SRP9: variants seen among roughly 807,000 people sequenced by gnomAD.
The protein encoded by SRP9 is signal recognition particle 9 kDa protein.
SRP9 carries 2 observed loss-of-function variants against 11.7 expected under a neutral mutation model. The ratio of observed to expected loss-of-function variants is 0.17; its 90% CI spans 0.07 to 0.54. The LOEUF is 0.54. SRP9 is among the 20% of genes least tolerant of loss of function. SRP9 has a pLI of 0.94. For synonymous variants in SRP9, 27 were observed against 35.6 expected (o/e 0.76, Z 0.86); for missense variants, 54 against 108.1 (o/e 0.50, Z 2.22).
chr1:225,788,140 G>T (rs1330708787), intron 2 of SRP9, among the ~76,000 whole-genome samples: 1 of 152,162 alleles, frequency 6.6e-6, no homozygotes, highest in East Asian at 1.9e-4. Context: ...TAAGTATCTA[G>T]TGAAGAATTT....
At chr1:225,785,887 C>CCA (rs912872381) in intron 2 of SRP9, among the ~76,000 whole-genome samples, 3 of 152,064 alleles carry the variant, frequency 2.0e-5, no homozygotes, top group Non-Finnish European at 4.4e-5. Context: ...TTCACCATGT[C>CCA]GCCCAGGCGG....
chr1:225,781,647 T>A (rs1446739424), intron 1 of SRP9, among the ~76,000 whole-genome samples: 1 of 152,074 alleles, frequency 6.6e-6, no homozygotes, highest in Non-Finnish European at 1.5e-5. Flanking sequence ...AGTGAACTCC[T>A]GCCCTCCCAA....
chr1:225,790,217 G>A lies in SRP9; in HGVS notation c.*858G>A, dbSNP rs1666000776. On this transcript the variant is annotated 3_prime_UTR_variant, in exon 3 of 3. Transcript: ENST00000304786. ...TTTTCTGTCTTTAATTAACCAAGGT[G>A]TTAGGTGTGACTGTCACAACTGTTA... is the stretch of plus-strand genomic sequence containing the variant. 1 of 152,312 alleles carries A rather than the reference G, an allele frequency of 6.6e-6. No individual in the cohort carries two copies. The highest frequency in any genetic ancestry group is 6.5e-5 in the Admixed American group (1 of 15,306). The allele number at this position is 152,312 out of a possible 1,614,324, so 9.4% of individuals were successfully genotyped here.
At chr1:225,786,415 ATAGT>A (rs937267721) in intron 2 of SRP9, among the ~76,000 whole-genome samples, 15 of 152,154 alleles carry the variant, frequency 9.9e-5, no homozygotes, top group East Asian at 1.9e-4. Flanking sequence ...CATTTTTTAA[ATAGT>A]TAGTTCTTTT....
At chr1:225,780,945 TGCTTAAAAACTG>T (rs1003568892) in intron 1 of SRP9, among the ~76,000 whole-genome samples, 1 of 152,242 alleles carries the variant, frequency 6.6e-6, no homozygotes, top group Admixed American at 6.5e-5. Context: ...CTTCATCTCC[TGCTTAAAAACTG>T]GCTCTTTGAT....
intron 1 of SRP9, among the ~76,000 whole-genome samples, chr1:225,778,221 A>T (rs1295604629): frequency 6.6e-6 from 1 of 152,216 alleles, no homozygotes; most frequent in Non-Finnish European, 1.5e-5. Context: ...AGCCAGGTTC[A>T]TCTCAGCCCT....
In SRP9 at chr1:225,779,967, A is replaced by G. The variant is rs373256487; in HGVS notation, c.72+1955A>G. 9.8e-5 allele frequency among the ~76,000 whole-genome samples: 15 copies of G among 152,320 alleles called. No individual in the cohort carries two copies. In the East Asian group the frequency reaches 2.9e-3, roughly 29 times the overall value. On this transcript the variant is annotated intron_variant, in intron 1 of 2. Transcript: ENST00000304786. ...TGGCAGTGGTAGGGAAAATGAAAATAATTAGAGCATCACTGTGAGCAAAGC... is the reference window on the plus strand; with the variant it reads ...TGGCAGTGGTAGGGAAAATGAAAATGATTAGAGCATCACTGTGAGCAAAGC...
At chr1:225,778,275 C>T (rs1575950040) in intron 1 of SRP9, among the ~76,000 whole-genome samples, 1 of 152,264 alleles carries the variant, frequency 6.6e-6, no homozygotes, top group African/African-American at 2.4e-5. Flanking sequence ...CCCTCAGCTT[C>T]CTTTATGGCT....
rs370111970 is a variant in SRP9, at chr1:225,778,003, C to T, written c.63C>T (p.Asp21=). 42 of 1,614,122 alleles carry T rather than the reference C, an allele frequency of 2.6e-5. No individual in the cohort carries two copies. The highest frequency in any genetic ancestry group is 3.5e-5 in the Non-Finnish European group (41 of 1,180,046). The change falls in exon 1 of 3, where the codon GAC becomes GAT. Residue 21 remains aspartate (D), a synonymous_variant. Coordinates refer to ENST00000304786, the MANE Select transcript of SRP9 (RefSeq NM_003133.6). ...SRAAEKLYLA[D]PMKARVVLKY... The stretch of plus-strand genomic sequence containing the variant: ...CTGCCGAGAAGCTTTACCTCGCTGA[C>T]CCTATGAAGGTAAATCGCTGGCGGG...
At chr1:225,782,157 T>C (rs1665812392) in intron 1 of SRP9, among the ~76,000 whole-genome samples, 1 of 151,974 alleles carries the variant, frequency 6.6e-6, no homozygotes, top group Non-Finnish European at 1.5e-5. Context: ...TTTTATTTTA[T>C]TTTATTTTAT....
At chr1:225,787,331 G>A (rs188665232) in intron 2 of SRP9, among the ~76,000 whole-genome samples, 271 of 152,148 alleles carry the variant, frequency 1.8e-3, no homozygotes, top group Middle Eastern at 6.8e-3. Flanking sequence ...TCAGGAGTTC[G>A]AGACCAGCCT....
At position 225,784,229 on chromosome 1, in the gene SRP9, C is replaced by CTTTTTTTTTTTTTTTTTTTTT. The variant is rs561503475; in HGVS notation, c.141+876_141+896dup. Among the ~76,000 whole-genome samples the CTTTTTTTTTTTTTTTTTTTTT allele has an allele frequency of 1.7e-4, 6 of 34,458 alleles. 1 individual carries two copies. The highest frequency in any genetic ancestry group is 4.6e-4 in the Admixed American group (1 of 2,194). The allele number at this position is 34,458 out of a possible 152,430, so 22.6% of individuals were successfully genotyped here. ...TCTACAGTGGAGTTTATCACCTGTTCTTTTTTTTTTTTTTTTTTTTTTTTT... is the reference window on the plus strand; with the variant it reads ...TCTACAGTGGAGTTTATCACCTGTTCTTTTTTTTTTTTTTTTTTTTTTTTTTTTTTTTTTTTTTTTTTTTTT... On this transcript the variant is annotated intron_variant, in intron 2 of 2. Transcript: ENST00000304786.
At chr1:225,781,753 CTG>C (rs1665805153) in intron 1 of SRP9, among the ~76,000 whole-genome samples, 1 of 152,146 alleles carries the variant, frequency 6.6e-6, no homozygotes, top group African/African-American at 2.4e-5. Context: ...GTTCCTTTAA[CTG>C]AGAGTTAAAA....
rs1665989320 is a variant in SRP9 at position 225,789,673 on chromosome 1, T to C, written c.*314T>C. The stretch of plus-strand genomic sequence containing the variant: ...GTATCAGTAATTTGAAAATGAGATA[T>C]TAGGAAAAACCAATTCTTCTTAAAT... On this transcript the variant is annotated 3_prime_UTR_variant, in exon 3 of 3. Transcript: ENST00000304786. The C allele has an allele frequency of 1.1e-5, 2 of 189,878 alleles. No individual in the cohort carries two copies. Among genetic ancestry groups the C allele is most frequent in the East Asian group, 1.4e-4 (1 of 7,372 alleles). 11.8% of individuals were successfully genotyped at this position (189,878 alleles called of 1,614,324 possible).
intron 2 of SRP9, among the ~76,000 whole-genome samples, chr1:225,785,427 G>C (rs1665887788): frequency 6.6e-6 from 1 of 151,272 alleles, no homozygotes; most frequent in African/African-American, 2.4e-5. Context: ...CTGTCGCCCA[G>C]GCTGGAGTGC....
At chr1:225,785,284 G>C (rs915725729) in intron 2 of SRP9, among the ~76,000 whole-genome samples, 1 of 139,264 alleles carries the variant, frequency 7.2e-6, no homozygotes. Context: ...TCACCATGTT[G>C]ACCAGGATGG....
At chr1:225,778,847 C>T (rs1029806221) in intron 1 of SRP9, among the ~76,000 whole-genome samples, 1 of 152,218 alleles carries the variant, frequency 6.6e-6, no homozygotes, top group African/African-American at 2.4e-5. Context: ...GGATTTTATA[C>T]TGAAAACCTC....
At chr1:225,782,925 T>G (rs1383562217) in intron 1 of SRP9, among the ~76,000 whole-genome samples, 3 of 152,248 alleles carry the variant, frequency 2.0e-5, no homozygotes, top group African/African-American at 7.2e-5. Context: ...CTAAATGTTT[T>G]CCTCCCTTTC....
chr1:225,789,040 C>T (rs992225506), intron 2 of SRP9, 200 bp from the exon 3 acceptor site: 6 of 1,550,786 alleles, frequency 3.9e-6, no homozygotes, highest in Middle Eastern at 1.7e-4. Context: ...ACAGCAGTGG[C>T]ATTTAAATTA....
Sources: allele counts gnomAD v4.1 joint callset (sites outside exome capture counted in the v4.1 genomes callset), GRCh38; gene constraint gnomAD v4.1.1; transcripts MANE v1.5; gene names NCBI Gene and HGNC (gene_info 2026-07-23, HGNC 2026-07-21).